DCAF5: variants seen among roughly 807,000 people sequenced by gnomAD.
DCAF5 encodes DDB1 and CUL4 associated factor 5, also known as DDB1- and CUL4-associated factor 5.
In DCAF5, 9 loss-of-function variants were observed where a neutral mutation model predicts 80.7. That is an observed-to-expected ratio of 0.11 (90% CI 0.07 to 0.19). The LOEUF (loss-of-function observed/expected upper bound fraction) is 0.19, where lower values mean the gene tolerates loss of function less well. DCAF5 is among the 10% of genes least tolerant of loss of function. DCAF5 has a pLI of 1.00. For synonymous variants in DCAF5, 433 were observed against 461.9 expected (o/e 0.94, Z 0.80); for missense variants, 842 against 1,205.7 (o/e 0.70, Z 4.47).
intron 6 of DCAF5, among the ~76,000 whole-genome samples, chr14:69,077,951 GC>G (rs573198178): frequency 3.3e-5 from 5 of 152,172 alleles, no homozygotes; most frequent in Non-Finnish European, 7.4e-5. Context: ...TTCTTTATCT[GC>G]AAAATGAGAG....
intron 1 of DCAF5, among the ~76,000 whole-genome samples, chr14:69,144,606 G>C (rs1286046407): frequency 2.6e-5 from 4 of 151,910 alleles, no homozygotes; most frequent in African/African-American, 7.3e-5. Context: ...GCACAAAATG[G>C]GTACTCAATA....
intron 1 of DCAF5, among the ~76,000 whole-genome samples, chr14:69,144,233 A>T (rs2041463416): frequency 6.6e-6 from 1 of 151,964 alleles, no homozygotes; most frequent in South Asian, 2.1e-4. Flanking sequence ...ACGTTACAAG[A>T]TAAAAAAAAA....
chr14:69,065,614 G>A (rs1462668359), intron 7 of DCAF5, among the ~76,000 whole-genome samples: 1 of 152,182 alleles, frequency 6.6e-6, no homozygotes, highest in Admixed American at 6.5e-5. Flanking sequence ...GTTTTTCATA[G>A]TTTCTTTCCT....
intron 1 of DCAF5, among the ~76,000 whole-genome samples, chr14:69,147,119 G>T (rs1346389769): frequency 6.6e-6 from 1 of 152,110 alleles, no homozygotes; most frequent in Admixed American, 6.5e-5. Flanking sequence ...AACAGGAAAT[G>T]ACCATTAATT....
chr14:69,085,870 A>T (rs758918160), intron 6 of DCAF5, among the ~76,000 whole-genome samples: 3 of 152,228 alleles, frequency 2.0e-5, no homozygotes, highest in Admixed American at 6.5e-5. Context: ...TCACCAGACC[A>T]TATCATTGCT....
In DCAF5 at chr14:69,051,878, TA is replaced by T. The variant is rs1187027069; in HGVS notation, c.*1978del. Reference sequence around the variant, plus strand: ...CGTATTTTTTTTGTATATAAAGGATTAAAAAATTCCAATTTAATACATTTTG... The same window carrying T: ...CGTATTTTTTTTGTATATAAAGGATTAAAAATTCCAATTTAATACATTTTG... On this transcript the variant is annotated 3_prime_UTR_variant, in exon 9 of 9. Coordinates refer to ENST00000341516, the MANE Select transcript of DCAF5 (RefSeq NM_003861.3). 6.6e-6 allele frequency: 1 copy of T among 152,550 alleles called. No homozygotes were observed. The allele number at this position is 152,550 out of a possible 1,614,324, so 9.4% of individuals were successfully genotyped here. A position where few individuals can be genotyped will look rare whatever the true frequency, so the allele number is the denominator to read the frequency against.
chr14:69,147,675 C>G (rs2041580471), intron 1 of DCAF5, among the ~76,000 whole-genome samples: 2 of 152,006 alleles, frequency 1.3e-5, no homozygotes, highest in Non-Finnish European at 2.9e-5. Flanking sequence ...AATAGTTATC[C>G]CCATTTATAA....
intron 5 of DCAF5, among the ~76,000 whole-genome samples, chr14:69,097,903 T>C (rs1289296989): frequency 6.6e-6 from 1 of 152,150 alleles, no homozygotes; most frequent in African/African-American, 2.4e-5. Context: ...ACTGGATTAT[T>C]GAAAGAGCTT....
chr14:69,103,580 C>T (rs1401996509), intron 5 of DCAF5, among the ~76,000 whole-genome samples: 1 of 152,214 alleles, frequency 6.6e-6, no homozygotes, highest in Non-Finnish European at 1.5e-5. Context: ...TTGGCACAAT[C>T]CACAGAATTT....
chr14:69,147,312 G>T (rs892744923), intron 1 of DCAF5, among the ~76,000 whole-genome samples: 3 of 152,142 alleles, frequency 2.0e-5, no homozygotes, highest in Non-Finnish European at 2.9e-5. Flanking sequence ...GATGTTGAAG[G>T]TATCAATCTC....
Position 69,054,522 on chromosome 14 carries a change from C to A in DCAF5, c.2164G>T (p.Asp722Tyr), listed in dbSNP as rs1227037156. The A allele has an allele frequency of 1.2e-6, 2 of 1,614,126 alleles. No homozygotes were observed. The highest frequency in any genetic ancestry group is 1.7e-6 in the Non-Finnish European group (2 of 1,180,008). Residue 722 changes from aspartate to tyrosine, a missense_variant, in exon 9 of 9, where the codon GAC becomes TAC. Coordinates refer to ENST00000341516, the MANE Select transcript of DCAF5 (RefSeq NM_003861.3). ...TTGCTGCAGCCTTCAGGTGGCAGGT[C>A]CTGGTTCCTCTGGGCCATTGCTATG... is the stretch of plus-strand genomic sequence containing the variant. ...LNIAMAQRNQ[D>Y]LPPEGCSKDT... is the part of the protein sequence containing the mutation.
At chr14:69,096,979 G>A (rs1291467874) in intron 5 of DCAF5, among the ~76,000 whole-genome samples, 2 of 151,970 alleles carry the variant, frequency 1.3e-5, no homozygotes, top group Admixed American at 1.3e-4. Context: ...TACAGCAACA[G>A]TAACAGTGCA....
intron 1 of DCAF5, among the ~76,000 whole-genome samples, chr14:69,149,108 T>C (rs1184680525): frequency 6.6e-6 from 1 of 152,230 alleles, no homozygotes; most frequent in Non-Finnish European, 1.5e-5. Context: ...TGGCGCTCTG[T>C]TCAGCACCCA....
intron 6 of DCAF5, among the ~76,000 whole-genome samples, chr14:69,086,952 A>G (rs1234864436): frequency 6.6e-6 from 1 of 152,204 alleles, no homozygotes; most frequent in Non-Finnish European, 1.5e-5. Context: ...AAAATCTTAT[A>G]CTTTCTCCTT....
chr14:69,133,169 A>G (rs1448005695), intron 1 of DCAF5, among the ~76,000 whole-genome samples: 1 of 152,200 alleles, frequency 6.6e-6, no homozygotes, highest in East Asian at 1.9e-4. Context: ...AATTCACATG[A>G]AACTACAGAA....
chr14:69,119,185 T>C lies in DCAF5; in HGVS notation c.395+9A>G, dbSNP rs1266315983. The C allele has an allele frequency of 6.2e-7, 1 of 1,612,738 alleles. No homozygotes were observed. On this transcript the variant is annotated intron_variant, in intron 3 of 8. Transcript: ENST00000341516. ...GTCAATCACCTTCACACACCACCAA[T>C]CTATTTACCTTTCAACATCATGGAG...
chr14:69,140,274 A>AAGAG (rs577036729), intron 1 of DCAF5, among the ~76,000 whole-genome samples: 2 of 151,574 alleles, frequency 1.3e-5, no homozygotes, highest in Non-Finnish European at 2.9e-5. Flanking sequence ...CTAAAAAAAA[A>AAGAG]AGAGAGAGAG....
Position 69,055,207 on chromosome 14 carries a change from T to A in DCAF5, c.1479A>T (p.Thr493=). ...TGGGTGTTGGTGGAGTTGAGGCTACTGTGTTTGTGGTGGTGACCCGCAGGG... is the reference window on the plus strand; with the variant it reads ...TGGGTGTTGGTGGAGTTGAGGCTACAGTGTTTGTGGTGGTGACCCGCAGGG... The part of the protein sequence containing the change: ...LGPLRVTTTN[T]VASTPPTPTC... The change falls in exon 9 of 9, where the codon ACA becomes ACT. Residue 493 remains threonine (T), a synonymous_variant. Coordinates refer to ENST00000341516, the MANE Select transcript of DCAF5 (RefSeq NM_003861.3). This position sits in a 1 kb window ranked among gnomAD's most constrained non-coding sequence, Gnocchi z 5.6. The A allele has an allele frequency of 6.2e-7, 1 of 1,614,212 alleles. No individual in the cohort carries two copies. Among genetic ancestry groups the A allele is most frequent in the Non-Finnish European group, 8.5e-7 (1 of 1,180,040 alleles).
In DCAF5 at chr14:69,071,601, G is replaced by A. The variant is rs567968919; in HGVS notation, c.946+3744C>T. Among the ~76,000 whole-genome samples the A allele has an allele frequency of 2.7e-5, 4 of 150,246 alleles. No individual in the cohort carries two copies. In the East Asian group the frequency reaches 6.0e-4, roughly 23 times the overall value. On this transcript the variant is annotated intron_variant, in intron 7 of 8. Transcript: ENST00000341516. ...AGAATATGAGAGAGAAAGAGGGAGG[G>A]AGGGAGGGGGAAGAGGGAGAGAGAG...
Sources: allele counts gnomAD v4.1 joint callset (sites outside exome capture counted in the v4.1 genomes callset), GRCh38; gene constraint gnomAD v4.1.1; non-coding constraint Gnocchi (gnomAD v3.1); transcripts MANE v1.5; gene names NCBI Gene and HGNC (gene_info 2026-07-23, HGNC 2026-07-21).